ANP32B: variants seen among roughly 807,000 people sequenced by gnomAD.
ANP32B encodes the protein acidic leucine-rich nuclear phosphoprotein 32 family member B.
In ANP32B, 6 loss-of-function variants were observed where a neutral mutation model predicts 32.2. The ratio of observed to expected loss-of-function variants is 0.19; its 90% CI spans 0.10 to 0.37. The LOEUF (loss-of-function observed/expected upper bound fraction) is 0.37. Among genes scored for constraint, ANP32B ranks in the 10% least tolerant of loss-of-function variants. ANP32B has a pLI of 1.00. For synonymous variants in ANP32B, 98 were observed against 105.8 expected (o/e 0.93, Z 0.45); for missense variants, 204 against 289.2 (o/e 0.71, Z 2.14).
At chr9:98,003,066 G>A (rs1828020866) in intron 3 of ANP32B, among the ~76,000 whole-genome samples, 1 of 152,278 alleles carries the variant, frequency 6.6e-6, no homozygotes, top group South Asian at 2.1e-4. Flanking sequence ...TGGGCTTCTG[G>A]AAGTCAGGGC....
chr9:97,995,140 G>A (rs540980054), intron 2 of ANP32B, among the ~76,000 whole-genome samples: 91 of 152,244 alleles, frequency 6.0e-4, no homozygotes, highest in African/African-American at 1.9e-3. Context: ...CTATCCTTTC[G>A]GAAAAAGGGA....
chr9:98,015,586 C>T lies in ANP32B; in HGVS notation c.*155C>T, dbSNP rs796885887. ...CCAAAGAATAGTTCCTGTGACATTCCGCCTTCCTTCCATGTAGTCCCTCTT... is the reference window on the plus strand; with the variant it reads ...CCAAAGAATAGTTCCTGTGACATTCTGCCTTCCTTCCATGTAGTCCCTCTT... On this transcript the variant is annotated 3_prime_UTR_variant, in exon 7 of 7. Transcript: ENST00000339399. 10 of 1,358,948 alleles carry T rather than the reference C, an allele frequency of 7.4e-6. No individual in the cohort carries two copies. The East Asian group carries it at 8.3e-5, about 11-fold the overall frequency. The allele number at this position is 1,358,948 out of a possible 1,614,324, so 84.2% of individuals were successfully genotyped here. A position where few individuals can be genotyped will look rare whatever the true frequency, so the allele number is the denominator to read the frequency against.
intron 4 of ANP32B, 77 bp from the exon 5 acceptor site, chr9:98,011,194 A>G: frequency 2.7e-6 from 4 of 1,498,764 alleles, no homozygotes; most frequent in Non-Finnish European, 3.6e-6. Flanking sequence ...TCTGTGAGCC[A>G]GCCCACAGAT....
intron 1 of ANP32B, among the ~76,000 whole-genome samples, chr9:97,993,063 G>A (rs533885829): frequency 1.3e-5 from 2 of 152,238 alleles, no homozygotes; most frequent in African/African-American, 4.8e-5. Flanking sequence ...TTTCAGATGT[G>A]CCCATTTCTT....
intron 1 of ANP32B, chr9:97,984,679 G>A (rs1488114362): frequency 1.3e-5 from 2 of 149,750 alleles, no homozygotes; most frequent in Non-Finnish European, 3.0e-5. Flanking sequence ...GCCTCTTCCC[G>A]CGCCGAGCCC....
At chr9:98,005,365 A>G (rs1241952628) in intron 4 of ANP32B, 10 of 351,672 alleles carry the variant, frequency 2.8e-5, no homozygotes, top group East Asian at 1.2e-4. Flanking sequence ...AAAAAAAAAA[A>G]TTAGCCAGGT....
intron 1 of ANP32B, among the ~76,000 whole-genome samples, chr9:97,994,025 A>G (rs554613324): frequency 6.6e-6 from 1 of 152,374 alleles, no homozygotes; most frequent in Admixed American, 6.5e-5. Flanking sequence ...GTTCTCTGCT[A>G]GAAACATCTT....
chr9:97,998,014 A>G (rs1827931896), intron 2 of ANP32B, among the ~76,000 whole-genome samples: 1 of 152,090 alleles, frequency 6.6e-6, no homozygotes, highest in African/African-American at 2.4e-5. Context: ...CCCTTTCCTG[A>G]GGTTATGAAG....
At chr9:97,990,959 A>G (rs1247120160) in intron 1 of ANP32B, among the ~76,000 whole-genome samples, 3 of 151,712 alleles carry the variant, frequency 2.0e-5, no homozygotes. Context: ...AGCTGGGACT[A>G]CAGGTGCACA....
intron 1 of ANP32B, chr9:97,984,747 C>T (rs962775640): frequency 2.0e-5 from 3 of 150,216 alleles, no homozygotes; most frequent in Non-Finnish European, 3.0e-5. Context: ...GAGCCGCGCG[C>T]CGCGGCCGCC....
chr9:97,984,745 C>CGCCGCG (rs1257818252), intron 1 of ANP32B: 26 of 150,162 alleles, frequency 1.7e-4, no homozygotes, highest in Admixed American at 1.6e-3. Context: ...GGGAGCCGCG[C>CGCCGCG]GCCGCGGCCG....
Position 98,011,299 on chromosome 9 carries a change from T to TGAG in ANP32B, c.549_551dup (p.Glu183dup). 6.5e-7 allele frequency: 1 copy of TGAG among 1,549,298 alleles called. No individual in the cohort carries two copies. The highest frequency in any genetic ancestry group is 8.7e-7 in the Non-Finnish European group (1 of 1,144,354). On this transcript the variant is annotated inframe_insertion, in exon 5 of 7. Transcript: ENST00000339399. Reference sequence around the variant, plus strand: ...GAGAAGATGAGGAAGACGAGGACGATGAGGATGGTGAAGAAGAGGAGTTTG... The same window carrying TGAG: ...GAGAAGATGAGGAAGACGAGGACGATGAGGAGGATGGTGAAGAAGAGGAGTTTG...
At chr9:97,992,353 G>A (rs1220260949) in intron 1 of ANP32B, among the ~76,000 whole-genome samples, 1 of 152,182 alleles carries the variant, frequency 6.6e-6, no homozygotes, top group African/African-American at 2.4e-5. Flanking sequence ...CCTCCCAGGA[G>A]TGTTGGGATT....
At position 97,983,621 on chromosome 9, in the gene ANP32B, C is replaced by T. The variant is rs753636851; in HGVS notation, c.54+12C>T. On this transcript the variant is annotated intron_variant, in intron 1 of 6. Coordinates refer to ENST00000339399, the MANE Select transcript of ANP32B (RefSeq NM_006401.3). ...GGACCCCGGCAGCTGTAAGCAGAGA[C>T]CCCTCTGGGTGCCCTCTCCCCCGAT... The T allele has an allele frequency of 5.1e-6, 8 of 1,556,892 alleles. No individual in the cohort carries two copies. The highest frequency in any genetic ancestry group is 1.4e-5 in the African/African-American group (1 of 71,608).
chr9:97,984,637 T>C (rs1469839683), intron 1 of ANP32B: 1 of 150,348 alleles, frequency 6.7e-6, no homozygotes, highest in Non-Finnish European at 1.5e-5. Context: ...AGCTTGGCCT[T>C]GCCCGCCCGC....
chr9:98,007,012 A>C (rs1220344404), intron 4 of ANP32B, among the ~76,000 whole-genome samples: 1 of 152,096 alleles, frequency 6.6e-6, no homozygotes, highest in Non-Finnish European at 1.5e-5. Flanking sequence ...CAAAAAAAAA[A>C]CTGCTTCACC....
intron 1 of ANP32B, among the ~76,000 whole-genome samples, chr9:97,991,411 G>A (rs972917323): frequency 2.6e-5 from 4 of 152,100 alleles, no homozygotes; most frequent in Non-Finnish European, 5.9e-5. Flanking sequence ...CACTGCACCT[G>A]GCCTTGAACA....
At chr9:98,003,050 C>G (rs756762867) in intron 3 of ANP32B, among the ~76,000 whole-genome samples, 2 of 152,142 alleles carry the variant, frequency 1.3e-5, no homozygotes, top group Non-Finnish European at 2.9e-5. Context: ...GGCAAGAAGT[C>G]ATACCTGGGC....
intron 2 of ANP32B, 94 bp from the exon 3 acceptor site, chr9:97,998,462 C>A: frequency 2.2e-6 from 3 of 1,341,270 alleles, no homozygotes; most frequent in Non-Finnish European, 2.0e-6. Context: ...CTTGATAAAT[C>A]TTTGAGAACT....
Sources: allele counts gnomAD v4.1 joint callset (sites outside exome capture counted in the v4.1 genomes callset), GRCh38; gene constraint gnomAD v4.1.1; transcripts MANE v1.5; gene names NCBI Gene and HGNC (gene_info 2026-07-23, HGNC 2026-07-21).